Variants in PAPOLG observed in about 807,000 individuals in gnomAD.
The protein encoded by PAPOLG is poly(A) polymerase gamma, also known as PAP-gamma.
In PAPOLG, 40 loss-of-function variants were observed where a neutral mutation model predicts 99.0. That is an observed-to-expected ratio of 0.40 (90% CI 0.31 to 0.53). The LOEUF (loss-of-function observed/expected upper bound fraction) is 0.53, where lower values mean the gene tolerates loss of function less well. PAPOLG is among the 20% of genes least tolerant of loss of function. PAPOLG has a pLI of 0.41. For missense variants in PAPOLG, 675 were observed against 884.1 expected (o/e 0.76, Z 3.00); for synonymous variants, 310 against 299.3 (o/e 1.04, Z -0.37).
intron 3 of PAPOLG, among the ~76,000 whole-genome samples, chr2:60,763,847 A>G (rs1670595192): frequency 6.6e-6 from 1 of 152,062 alleles, no homozygotes; most frequent in Admixed American, 6.5e-5. Context: ...TCTGTTGCCC[A>G]GGCTGCAGTG....
At chr2:60,761,076 A>G (rs894557246) in intron 2 of PAPOLG, among the ~76,000 whole-genome samples, 5 of 152,152 alleles carry the variant, frequency 3.3e-5, no homozygotes, top group Admixed American at 1.3e-4. Context: ...AATGACTGGA[A>G]TGTGTGTGTG....
intron 15 of PAPOLG, 136 bp from the exon 16 acceptor site, chr2:60,791,625 G>A (rs539945022): frequency 2.1e-6 from 2 of 950,088 alleles, no homozygotes; most frequent in Admixed American, 5.1e-5. Context: ...TATTTGTTTT[G>A]TGAGAGGGTT....
intron 7 of PAPOLG, 58 bp downstream of exon 7, chr2:60,771,688 A>G: frequency 1.9e-6 from 3 of 1,547,440 alleles, no homozygotes; most frequent in Admixed American, 2.2e-5. Flanking sequence ...AGAAATATAG[A>G]TATTTTTGCT....
intron 13 of PAPOLG, among the ~76,000 whole-genome samples, chr2:60,785,392 C>T (rs1451247449): frequency 1.3e-5 from 2 of 152,172 alleles, no homozygotes; most frequent in Non-Finnish European, 2.9e-5. Flanking sequence ...CCACCTTGGC[C>T]TCCCAGAGTG....
chr2:60,781,897 G>C lies in PAPOLG; in HGVS notation c.919G>C (p.Asp307His). ...PVWDPRVNPS[D>H]RYHLMPIITP... is the part of the protein sequence containing the mutation. ...TCTAATTTCACAGGTAAATCCATCA[G>C]ATAGGTATCATCTCATGCCCATAAT... The change falls in exon 11 of 22, where the codon GAT becomes CAT. Residue 307 changes from aspartate (D) to histidine (H), a missense_variant. By Grantham distance (81) the Asp-to-His change is moderately conservative (BLOSUM62 -1). Coordinates refer to ENST00000238714, the MANE Select transcript of PAPOLG (RefSeq NM_022894.4). 1 of 1,613,964 alleles carries C rather than the reference G, an allele frequency of 6.2e-7. No individual in the cohort carries two copies. Among genetic ancestry groups the C allele is most frequent in the Non-Finnish European group, 8.5e-7 (1 of 1,179,908 alleles).
rs928819933 is a variant in PAPOLG, at chr2:60,756,345, C to G, written c.-134C>G. The G allele has an allele frequency of 2.8e-5, 31 of 1,111,802 alleles. No individual in the cohort carries two copies. The highest frequency in any genetic ancestry group is 4.2e-5 in the Non-Finnish European group (31 of 731,572). The allele number at this position is 1,111,802 out of a possible 1,614,324, so 68.9% of individuals were successfully genotyped here. A position where few individuals can be genotyped will look rare whatever the true frequency, so the allele number is the denominator to read the frequency against. ...TTCACTACTCGGTTGGATGCCTCAG[C>G]CATAGTAAGTGGGAAAGTGAGCGAG... On this transcript the variant is annotated 5_prime_UTR_variant, in exon 1 of 22. Transcript: ENST00000238714.
intron 5 of PAPOLG, among the ~76,000 whole-genome samples, chr2:60,770,037 A>G (rs567845943): frequency 6.9e-6 from 1 of 145,414 alleles, no homozygotes; most frequent in South Asian, 2.1e-4. Context: ...TTCTGTTCCT[A>G]TGTTTGCTGA....
Position 60,799,320 on chromosome 2 carries a change from C to A in PAPOLG, c.*2160C>A, listed in dbSNP as rs1558730034. The A allele has an allele frequency of 6.6e-6, 1 of 152,292 alleles. No individual in the cohort carries two copies. Among genetic ancestry groups the A allele is most frequent in the Non-Finnish European group, 1.5e-5 (1 of 68,040 alleles). The allele number at this position is 152,292 out of a possible 1,614,324, so 9.4% of individuals were successfully genotyped here. On this transcript the variant is annotated 3_prime_UTR_variant, in exon 22 of 22. Coordinates refer to ENST00000238714, the MANE Select transcript of PAPOLG (RefSeq NM_022894.4). ...GTCTAACCTTGTACTATAGGATAGG[C>A]ATTTATTTTAGATTAAGGAGCCCAT...
rs538357851 is a variant in PAPOLG, at chr2:60,788,488, A to C, written c.1396+868A>C. Among the ~76,000 whole-genome samples, 148 of 152,062 alleles carry C rather than the reference A, an allele frequency of 9.7e-4. 1 individual carries two copies. The highest frequency in any genetic ancestry group is 3.2e-3 in the African/African-American group (132 of 41,490). On this transcript the variant is annotated intron_variant, in intron 15 of 21. Coordinates refer to ENST00000238714, the MANE Select transcript of PAPOLG (RefSeq NM_022894.4). ...AGGTGCGTGCCACCAGTCCTGGCTA[A>C]TTTTTTTATTTTTAGTAGAGACGGA...
intron 6 of PAPOLG, 72 bp downstream of exon 6, chr2:60,770,583 G>A: frequency 2.0e-6 from 2 of 993,160 alleles, no homozygotes; most frequent in Non-Finnish European, 1.5e-6. Flanking sequence ...CTGAAATCAG[G>A]CTTAACATAA....
chr2:60,765,840 G>T (rs987342466), intron 3 of PAPOLG, among the ~76,000 whole-genome samples: 1 of 152,030 alleles, frequency 6.6e-6, no homozygotes, highest in African/African-American at 2.4e-5. Flanking sequence ...AGATTCCTGG[G>T]CATGGTGGTG....
chr2:60,769,783 G>A (rs1293721390), intron 5 of PAPOLG, among the ~76,000 whole-genome samples: 1 of 151,896 alleles, frequency 6.6e-6, no homozygotes, highest in African/African-American at 2.4e-5. Context: ...TTAAGTTCTG[G>A]AATACCATGT....
At chr2:60,763,660 T>A (rs1670588319) in intron 3 of PAPOLG, among the ~76,000 whole-genome samples, 1 of 151,946 alleles carries the variant, frequency 6.6e-6, no homozygotes, top group African/African-American at 2.4e-5. Context: ...CACACCACCA[T>A]GCCCAATTAA....
intron 21 of PAPOLG, 27 bp downstream of exon 21, chr2:60,795,047 A>T (rs1174031934): frequency 6.4e-7 from 1 of 1,569,632 alleles, no homozygotes; most frequent in South Asian, 1.1e-5. Flanking sequence ...GTTCATAGGT[A>T]CAGTACATAG....
intron 5 of PAPOLG, among the ~76,000 whole-genome samples, chr2:60,769,218 A>C (rs778368638): frequency 6.6e-6 from 1 of 152,234 alleles, no homozygotes; most frequent in Non-Finnish European, 1.5e-5. Flanking sequence ...AGATATTTAC[A>C]TAAACCATTT....
chr2:60,791,517 A>G (rs1289265521), intron 15 of PAPOLG: 2 of 269,862 alleles, frequency 7.4e-6, no homozygotes, highest in Non-Finnish European at 7.1e-6. Flanking sequence ...GCGCCATTGC[A>G]CTCCAGCCTG....
chr2:60,790,557 A>T (rs1307949846), intron 15 of PAPOLG, among the ~76,000 whole-genome samples: 2 of 152,202 alleles, frequency 1.3e-5, no homozygotes, highest in Non-Finnish European at 2.9e-5. Flanking sequence ...AGTTAATAAA[A>T]CCCATTTTCT....
rs1283199028 is a variant in PAPOLG at position 60,798,730 on chromosome 2, C to T, written c.*1570C>T. On this transcript the variant is annotated 3_prime_UTR_variant, in exon 22 of 22. Transcript: ENST00000238714. ...AGCAGTCCATTTTCTCTTGCAAGCCCTTTACCATTGAGTTGAAATTCTTGA... is the reference window on the plus strand; with the variant it reads ...AGCAGTCCATTTTCTCTTGCAAGCCTTTTACCATTGAGTTGAAATTCTTGA... The T allele has an allele frequency of 2.6e-5, 4 of 152,336 alleles. No individual in the cohort carries two copies. The highest frequency in any genetic ancestry group is 5.9e-5 in the Non-Finnish European group (4 of 68,046). The allele number at this position is 152,336 out of a possible 1,614,324, so 9.4% of individuals were successfully genotyped here.
At chr2:60,761,915 C>A in intron 3 of PAPOLG, 108 bp downstream of exon 3, 1 of 819,660 alleles carries the variant, frequency 1.2e-6, no homozygotes, top group Non-Finnish European at 2.0e-6. Flanking sequence ...CAAAGCTTGG[C>A]TCTCTGGTAT....
Sources: allele counts gnomAD v4.1 joint callset (sites outside exome capture counted in the v4.1 genomes callset), GRCh38; gene constraint gnomAD v4.1.1; transcripts MANE v1.5; gene names NCBI Gene and HGNC (gene_info 2026-07-23, HGNC 2026-07-21).